The following OGDH variants were observed in gnomAD, a reference collection of about 807,000 sequenced individuals.
The protein encoded by OGDH is oxoglutarate dehydrogenase, also known as 2-oxoglutarate dehydrogenase complex component E1.
A neutral mutation model predicts 116.6 loss-of-function variants in OGDH; 38 were observed. The observed-to-expected ratio is 0.33, with a 90% CI of 0.25 to 0.43. The LOEUF (loss-of-function observed/expected upper bound fraction) is 0.43. OGDH is among the 20% of genes least tolerant of loss of function. OGDH has a pLI of 1.00. For synonymous variants in OGDH, 488 were observed against 533.3 expected (o/e 0.92, Z 1.17); for missense variants, 825 against 1,357.2 (o/e 0.61, Z 6.16).
intron 3 of OGDH, 117 bp downstream of exon 3, chr7:44,645,635 A>G: frequency 4.3e-6 from 4 of 921,448 alleles, no homozygotes; most frequent in Non-Finnish European, 6.3e-6. Context: ...ACCTCCTCAA[A>G]TACTAGGTGC....
chr7:44,703,944 C>A (rs942718284), intron 20 of OGDH, among the ~76,000 whole-genome samples: 1 of 151,934 alleles, frequency 6.6e-6, no homozygotes, highest in African/African-American at 2.4e-5. Flanking sequence ...TTTTGCTCAT[C>A]CATTCATCTG....
At chr7:44,637,359 C>T (rs925970993) in intron 2 of OGDH, among the ~76,000 whole-genome samples, 10 of 152,232 alleles carry the variant, frequency 6.6e-5, no homozygotes, top group African/African-American at 2.2e-4. Context: ...CACTTGGATC[C>T]ATTCTGTGAA....
chr7:44,615,801 G>A (rs923601183), intron 1 of OGDH, among the ~76,000 whole-genome samples: 1 of 152,126 alleles, frequency 6.6e-6, no homozygotes, highest in Non-Finnish European at 1.5e-5. Context: ...CACTTTGGGA[G>A]TCTGACACTT....
chr7:44,660,156 G>C (rs976166182), intron 4 of OGDH, among the ~76,000 whole-genome samples: 3 of 152,128 alleles, frequency 2.0e-5, no homozygotes, highest in African/African-American at 7.2e-5. Flanking sequence ...GCAAGGTCTT[G>C]CTCTGTCATT....
intron 10 of OGDH, among the ~76,000 whole-genome samples, chr7:44,691,429 G>C (rs1440129040): frequency 2.6e-5 from 4 of 151,774 alleles, no homozygotes; most frequent in Non-Finnish European, 5.9e-5. Flanking sequence ...CTACTGAGGA[G>C]GCTGAGGCAG....
In OGDH at chr7:44,707,998, A is replaced by G. The variant is rs1789163424; in HGVS notation, c.3071A>G (p.Ter1024TrpextTer25). The G allele has an allele frequency of 6.2e-7, 1 of 1,612,754 alleles. No homozygotes were observed. The highest frequency in any genetic ancestry group is 8.5e-7 in the Non-Finnish European group (1 of 1,179,798). ...FDLDVFKNFS[*>W] is the part of the protein sequence containing the mutation. ...CTGGACGTCTTCAAGAACTTCTCGT[A>G]GATGCTGCCTAGGGTTGCTTGGGCC... Residue 1024 changes from the stop codon to tryptophan (W), a stop_lost, in exon 23 of 23, where the codon TAG becomes TGG. Transcript: ENST00000222673. This position sits in a 1 kb window ranked among gnomAD's most constrained non-coding sequence, Gnocchi z 5.2.
At chr7:44,665,533 G>C (rs1478873428) in intron 4 of OGDH, among the ~76,000 whole-genome samples, 1 of 152,150 alleles carries the variant, frequency 6.6e-6, no homozygotes, top group Non-Finnish European at 1.5e-5. Flanking sequence ...CTAGAAACAA[G>C]CCTTTTTATA....
intron 2 of OGDH, among the ~76,000 whole-genome samples, chr7:44,632,746 G>A (rs553154101): frequency 1.3e-4 from 20 of 152,170 alleles, no homozygotes; most frequent in African/African-American, 4.3e-4. Context: ...AGGCTCCCAA[G>A]TAGCTGGGAC....
At chr7:44,659,675 T>C (rs1200715901) in intron 4 of OGDH, among the ~76,000 whole-genome samples, 1 of 152,216 alleles carries the variant, frequency 6.6e-6, no homozygotes, top group Non-Finnish European at 1.5e-5. Context: ...TGTGTAGTGT[T>C]ATTTATAGTA....
At position 44,624,310 on chromosome 7, in the gene OGDH, T is replaced by TTTTTAAGG; in HGVS notation, c.-27-7_-27-6insTTTTAAGG. On this transcript the variant is annotated splice_region_variant and splice_polypyrimidine_tract_variant and intron_variant, in intron 1 of 22. Coordinates refer to ENST00000222673, the MANE Select transcript of OGDH (RefSeq NM_002541.4). The stretch of plus-strand genomic sequence containing the variant: ...TTTCTTGTTTTTTTTTTTTTTTTTT[T>TTTTTAAGG]GTACAGGCAGTTGTGAAAAACTTCA... 9.1e-7 allele frequency: 1 copy of TTTTTAAGG among 1,102,340 alleles called. No individual in the cohort carries two copies. The highest frequency in any genetic ancestry group is 2.0e-5 in the South Asian group (1 of 51,012). The allele number at this position is 1,102,340 out of a possible 1,614,324, so 68.3% of individuals were successfully genotyped here.
chr7:44,624,550 C>T lies in OGDH; in HGVS notation c.207C>T (p.Pro69=). 2 of 1,613,532 alleles carry T rather than the reference C, an allele frequency of 1.2e-6. No homozygotes were observed. Among genetic ancestry groups the T allele is most frequent in the South Asian group, 2.2e-5 (2 of 91,044 alleles). The change falls in exon 2 of 23, where the codon CCC becomes CCT. Residue 69 remains proline (P), a synonymous_variant. Coordinates refer to ENST00000222673, the MANE Select transcript of OGDH (RefSeq NM_002541.4). ...TGTACTGTGCTTGGCTGGAAAACCC[C>T]AAAAGTGTACATAAGGTAAGGCTCG... ...EEMYCAWLEN[P]KSVHKSWDIF...
At chr7:44,635,128 G>A (rs1232197826) in intron 2 of OGDH, among the ~76,000 whole-genome samples, 1 of 152,196 alleles carries the variant, frequency 6.6e-6, no homozygotes, top group Non-Finnish European at 1.5e-5. Context: ...CACTGAGGCC[G>A]GGATGGGAGG....
chr7:44,675,083 G>GGGGGGA, intron 7 of OGDH, 95 bp from the exon 8 acceptor site: 2 of 961,392 alleles, frequency 2.1e-6, no homozygotes, highest in Non-Finnish European at 3.3e-6. Flanking sequence ...GCCGTGTCCT[G>GGGGGGA]GGGGGAGGGG....
At chr7:44,705,092 G>T (rs1202190753) in intron 20 of OGDH, among the ~76,000 whole-genome samples, 2 of 104,244 alleles carry the variant, frequency 1.9e-5, no homozygotes, top group Non-Finnish European at 3.4e-5. Flanking sequence ...TCGCTCTGTC[G>T]CCCAGGCTGG....
At chr7:44,642,408 A>G (rs1785983645) in intron 2 of OGDH, among the ~76,000 whole-genome samples, 1 of 152,162 alleles carries the variant, frequency 6.6e-6, no homozygotes, top group South Asian at 2.1e-4. Context: ...TGGGCAGCAG[A>G]GCCAGACCCT....
chr7:44,705,051 C>CTTTTTTTTTTTTTTTTTTTTTTTT (rs777624714), intron 20 of OGDH, among the ~76,000 whole-genome samples: 2 of 93,924 alleles, frequency 2.1e-5, no homozygotes, highest in Non-Finnish European at 1.9e-5. Flanking sequence ...TTTTAATTTT[C>CTTTTTTTTTTTTTTTTTTTTTTTT]TTTTTTTTTT....
At chr7:44,652,459 A>G (rs1031824337) in intron 4 of OGDH, among the ~76,000 whole-genome samples, 49 of 152,334 alleles carry the variant, frequency 3.2e-4, no homozygotes, top group Admixed American at 5.9e-4. Flanking sequence ...GTTTCCAGGT[A>G]AATCTCCAGA....
intron 10 of OGDH, among the ~76,000 whole-genome samples, chr7:44,688,232 G>A (rs916626731): frequency 1.6e-4 from 24 of 151,816 alleles, no homozygotes; most frequent in African/African-American, 4.6e-4. Context: ...TTAGCCAGGC[G>A]TGGTGGCTCG....
chr7:44,691,749 G>A (rs1458737196), intron 10 of OGDH, among the ~76,000 whole-genome samples: 9 of 151,580 alleles, frequency 5.9e-5, no homozygotes, highest in African/African-American at 1.2e-4. Context: ...AGGCCGAGGC[G>A]GGGGATCACA....
Sources: allele counts gnomAD v4.1 joint callset (sites outside exome capture counted in the v4.1 genomes callset), GRCh38; gene constraint gnomAD v4.1.1; non-coding constraint Gnocchi (gnomAD v3.1); transcripts MANE v1.5; gene names NCBI Gene and HGNC (gene_info 2026-07-23, HGNC 2026-07-21).